Variants in ZNF385B observed in about 807,000 individuals in gnomAD.
The protein encoded by ZNF385B is zinc finger protein 533.
A neutral mutation model predicts 39.2 loss-of-function variants in ZNF385B; 23 were observed. That is an observed-to-expected ratio of 0.59 (90% CI 0.42 to 0.83). The LOEUF (loss-of-function observed/expected upper bound fraction) is 0.83. Among genes scored for constraint, ZNF385B ranks in the 40% least tolerant of loss-of-function variants. The pLI, the probability that ZNF385B is intolerant of heterozygous loss-of-function variation, is 0.00. For missense variants in ZNF385B, 552 were observed against 598.9 expected (o/e 0.92, Z 0.82); for synonymous variants, 205 against 222.6 (o/e 0.92, Z 0.70).
intron 3 of ZNF385B, among the ~76,000 whole-genome samples, chr2:179,600,436 C>T (rs979835873): frequency 6.6e-6 from 1 of 152,178 alleles, no homozygotes; most frequent in Non-Finnish European, 1.5e-5. Flanking sequence ...AAGTGAATTA[C>T]TTCTGCAGGC....
chr2:179,605,195 A>G (rs953458624), intron 3 of ZNF385B, among the ~76,000 whole-genome samples: 8 of 152,106 alleles, frequency 5.3e-5, no homozygotes, highest in Admixed American at 3.3e-4. Flanking sequence ...TTTTAATTTT[A>G]CCACATGCCA....
chr2:179,585,144 C>G (rs887139674), intron 3 of ZNF385B, among the ~76,000 whole-genome samples: 1 of 152,148 alleles, frequency 6.6e-6, no homozygotes, highest in Non-Finnish European at 1.5e-5. Context: ...AGAGAGATAC[C>G]TTCAAGACAT....
At chr2:179,748,726 T>C (rs141729705) in intron 3 of ZNF385B, among the ~76,000 whole-genome samples, 1 of 152,296 alleles carries the variant, frequency 6.6e-6, no homozygotes, top group African/African-American at 2.4e-5. Flanking sequence ...TTGCATTTGC[T>C]TGGAGTCTTT....
At chr2:179,790,151 A>G (rs1705239476) in intron 1 of ZNF385B, among the ~76,000 whole-genome samples, 1 of 152,196 alleles carries the variant, frequency 6.6e-6, no homozygotes, top group Non-Finnish European at 1.5e-5. Context: ...GTTGCTAACT[A>G]TGGATCTCAG....
chr2:179,632,431 C>G (rs530412832), intron 3 of ZNF385B, among the ~76,000 whole-genome samples: 147 of 152,306 alleles, frequency 9.7e-4, no homozygotes, highest in Middle Eastern at 6.8e-3. Context: ...GGAAACTGAA[C>G]AGCCTGCTCC....
chr2:179,788,298 G>C (rs1175734594), intron 1 of ZNF385B, among the ~76,000 whole-genome samples: 3 of 152,092 alleles, frequency 2.0e-5, no homozygotes. Context: ...ATATTTTCTG[G>C]TCCTTTGGCA....
At chr2:179,525,278 T>C (rs2058819167) in intron 4 of ZNF385B, among the ~76,000 whole-genome samples, 1 of 152,204 alleles carries the variant, frequency 6.6e-6, no homozygotes, top group African/African-American at 2.4e-5. Context: ...CCTAAGGTGC[T>C]TAAGGAAAAG....
intron 3 of ZNF385B, among the ~76,000 whole-genome samples, chr2:179,666,577 C>T (rs1015528730): frequency 8.5e-5 from 13 of 152,058 alleles, no homozygotes; most frequent in African/African-American, 2.7e-4. Context: ...AATCTCAATT[C>T]TTAAAATGAC....
intron 3 of ZNF385B, among the ~76,000 whole-genome samples, chr2:179,675,647 G>A (rs1037885353): frequency 3.3e-5 from 5 of 152,156 alleles, no homozygotes; most frequent in African/African-American, 4.8e-5. Flanking sequence ...AGGAGGAAAA[G>A]GGCAGGTATA....
At chr2:179,833,561 A>T (rs956625690) in intron 1 of ZNF385B, among the ~76,000 whole-genome samples, 1 of 152,170 alleles carries the variant, frequency 6.6e-6, no homozygotes, top group African/African-American at 2.4e-5. Context: ...GCCGTTTGAT[A>T]AAGCTGTCCT....
chr2:179,799,346 C>T (rs1429203915), intron 1 of ZNF385B, among the ~76,000 whole-genome samples: 1 of 151,962 alleles, frequency 6.6e-6, no homozygotes, highest in Admixed American at 6.6e-5. Context: ...TTTTTAAAAG[C>T]TGGCTATTTC....
At chr2:179,617,241 T>C (rs561592581) in intron 3 of ZNF385B, among the ~76,000 whole-genome samples, 1 of 152,340 alleles carries the variant, frequency 6.6e-6, no homozygotes, top group South Asian at 2.1e-4. Flanking sequence ...TTAAAAAATA[T>C]TCTTTCTGGG....
chr2:179,844,405 T>C (rs939829908), intron 1 of ZNF385B, among the ~76,000 whole-genome samples: 2 of 152,322 alleles, frequency 1.3e-5, no homozygotes, highest in Non-Finnish European at 2.9e-5. Flanking sequence ...AAAAGATTTC[T>C]CAACTTTCTA....
chr2:179,771,598 A>G (rs537438580), intron 1 of ZNF385B, among the ~76,000 whole-genome samples: 3 of 152,318 alleles, frequency 2.0e-5, no homozygotes, highest in Admixed American at 1.3e-4. Flanking sequence ...TAATTCAGCT[A>G]TAATTGAAAT....
intron 5 of ZNF385B, among the ~76,000 whole-genome samples, chr2:179,504,045 G>T (rs2057016210): frequency 7.4e-6 from 1 of 135,640 alleles, no homozygotes; most frequent in African/African-American, 2.9e-5. Flanking sequence ...CCCCACCACA[G>T]TCCCCAGAGT....
intron 3 of ZNF385B, among the ~76,000 whole-genome samples, chr2:179,574,127 G>C (rs1685541418): frequency 6.6e-6 from 1 of 152,052 alleles, no homozygotes; most frequent in Non-Finnish European, 1.5e-5. Flanking sequence ...ACAATTTGAG[G>C]GTGATGATAG....
chr2:179,799,785 T>C lies in ZNF385B; in HGVS notation c.-154-29113A>G, dbSNP rs575498881. Among the ~76,000 whole-genome samples the C allele has an allele frequency of 3.9e-5, 6 of 152,192 alleles. No homozygotes were observed. The East Asian group carries it at 1.2e-3, about 29-fold the overall frequency. On this transcript the variant is annotated intron_variant, in intron 1 of 9. Coordinates refer to ENST00000410066, the MANE Select transcript of ZNF385B (RefSeq NM_152520.6). ...ACTTAAAGCATAATAAGCAGGGAAT[T>C]AAATGGCTGGTTTGCTAAAATCCAA...
intron 1 of ZNF385B, among the ~76,000 whole-genome samples, chr2:179,859,290 C>T (rs981128211): frequency 6.6e-6 from 1 of 152,074 alleles, no homozygotes; most frequent in African/African-American, 2.4e-5. Flanking sequence ...AAGAAAAATA[C>T]ATTAAATTCA....
At chr2:179,734,050 ATTT>A (rs1308343064) in intron 3 of ZNF385B, among the ~76,000 whole-genome samples, 2 of 152,104 alleles carry the variant, frequency 1.3e-5, no homozygotes, top group Non-Finnish European at 2.9e-5. Context: ...TTTTTCTTAT[ATTT>A]TGCACATTAT....
Sources: gnomAD v4.1 joint callset for allele counts (sites outside exome capture counted in the v4.1 genomes callset) on GRCh38, gnomAD v4.1.1 for gene constraint, MANE v1.5 for transcripts, NCBI Gene and HGNC (gene_info 2026-07-23, HGNC 2026-07-21) for gene names.